SMC1B: variants seen among roughly 807,000 people sequenced by gnomAD.
The protein encoded by SMC1B is structural maintenance of chromosomes 1B.
In SMC1B, 60 loss-of-function variants were observed where a neutral mutation model predicts 157.9. The ratio of observed to expected loss-of-function variants is 0.38; its 90% CI spans 0.31 to 0.47. The LOEUF is 0.47. Among genes scored for constraint, SMC1B ranks in the 20% least tolerant of loss-of-function variants. The pLI is 0.99. For synonymous variants in SMC1B, 445 were observed against 483.0 expected, an observed-to-expected ratio of 0.92 and a Z score of 1.03; for missense variants, 1,165 against 1,426.2, an observed-to-expected ratio of 0.82 and a Z score of 2.95.
At chr22:45,413,237 C>T (rs1227476935) in intron 1 of SMC1B, among the ~76,000 whole-genome samples, 1 of 150,170 alleles carries the variant, frequency 6.7e-6, no homozygotes, top group Non-Finnish European at 1.5e-5. Context: ...GGACAAGGGT[C>T]GGGACCCCTG....
At chr22:45,387,478 G>T (rs936807682) in intron 10 of SMC1B, among the ~76,000 whole-genome samples, 1 of 151,834 alleles carries the variant, frequency 6.6e-6, no homozygotes, top group Admixed American at 6.6e-5. Context: ...AAAAAAGTAT[G>T]TTATTACATA....
chr22:45,370,036 A>C lies in SMC1B; in HGVS notation c.2338T>G (p.Phe780Val), dbSNP rs752192436. ...TTTTCCACGCCAATTTCTTCACAGA[A>C]GTGTTGGAAGATATCGTCTTCTACC... ...DKVEDDIFQH[F>V]CEEIGVENIR... is the part of the protein sequence containing the mutation. The change falls in exon 15 of 25, where the codon TTC becomes GTC. Residue 780 changes from phenylalanine to valine, a missense_variant. Physicochemically the swap from Phe to Val is conservative, Grantham distance 50 (BLOSUM62 -1). Coordinates refer to ENST00000357450, the MANE Select transcript of SMC1B (RefSeq NM_148674.5). 1 of 1,588,218 alleles carries C rather than the reference A, an allele frequency of 6.3e-7. No homozygotes were observed. The highest frequency in any genetic ancestry group is 1.2e-5 in the South Asian group (1 of 85,656).
chr22:45,409,028 A>C (rs1431350227), intron 1 of SMC1B, 130 bp from the exon 2 acceptor site: 3 of 562,044 alleles, frequency 5.3e-6, no homozygotes, highest in Admixed American at 3.5e-5. Context: ...TCAATGTTCA[A>C]AATGCATGAC....
intron 8 of SMC1B, among the ~76,000 whole-genome samples, chr22:45,394,457 T>A (rs370970120): frequency 6.6e-6 from 1 of 152,068 alleles, no homozygotes; most frequent in Non-Finnish European, 1.5e-5. Context: ...CTGGGCAACA[T>A]GGTGAAACCC....
In SMC1B at chr22:45,399,279, T is replaced by C. The variant is rs1364254308; in HGVS notation, c.929A>G (p.Lys310Arg). The change falls in exon 6 of 25, where the codon AAG (lysine) becomes AGG (arginine). Residue 310 changes from lysine (K) to arginine (R), a missense_variant. Coordinates refer to ENST00000357450, the MANE Select transcript of SMC1B (RefSeq NM_148674.5). ...TGATTTCTTAGCCACATCTAATTTC[T>C]TAAGGTGGTGAGAAGTGTTTTCTTT... ...KAKENTSHHL[K>R]KLDVAKKSIK... is the part of the protein sequence containing the mutation. The C allele has an allele frequency of 3.1e-6, 5 of 1,614,122 alleles. No individual in the cohort carries two copies. Among genetic ancestry groups the C allele is most frequent in the Non-Finnish European group, 4.2e-6 (5 of 1,179,950 alleles).
chr22:45,395,045 T>C (rs1032806942), intron 7 of SMC1B, among the ~76,000 whole-genome samples: 4 of 152,182 alleles, frequency 2.6e-5, no homozygotes, highest in South Asian at 2.1e-4. Context: ...CCTTAACTAA[T>C]GTACTGAACA....
intron 2 of SMC1B, among the ~76,000 whole-genome samples, chr22:45,407,788 C>A (rs2087280398): frequency 6.6e-6 from 1 of 152,102 alleles, no homozygotes; most frequent in Non-Finnish European, 1.5e-5. Flanking sequence ...CTGAGCTAGC[C>A]TAATGCAGAA....
At chr22:45,367,725 T>C (rs952937950) in intron 15 of SMC1B, among the ~76,000 whole-genome samples, 5 of 152,224 alleles carry the variant, frequency 3.3e-5, no homozygotes, top group African/African-American at 9.6e-5. Flanking sequence ...TCTCACTCTT[T>C]CCAGGGTAGT....
intron 4 of SMC1B, among the ~76,000 whole-genome samples, chr22:45,403,409 A>G (rs1271095001): frequency 6.6e-6 from 1 of 152,196 alleles, no homozygotes; most frequent in Non-Finnish European, 1.5e-5. Context: ...TGGTCTATGC[A>G]TTGAGAATAT....
Position 45,399,094 on chromosome 22 carries a change from C to T in SMC1B, c.1113+1G>A. The stretch of plus-strand genomic sequence containing the variant: ...ATTTCCCCTAAGTTGTCCTTTTTTA[C>T]CTGACTGGCTTCCAGTTCAATGTCT... On this transcript the variant is annotated splice_donor_variant, in intron 6 of 24. Coordinates refer to ENST00000357450, the MANE Select transcript of SMC1B (RefSeq NM_148674.5). LOFTEE classifies it high-confidence loss of function. The T allele has an allele frequency of 6.2e-7, 1 of 1,608,766 alleles. No individual in the cohort carries two copies.
Position 45,354,069 on chromosome 22 carries a change from CT to C in SMC1B, c.3181del (p.Arg1061GlyfsTer91). ...ACACTGGGTGAAAAGATCGTATCTC[CT>C]TTTTTTCACTTGCTCGAACTCTTGC... ...CRQEFEQVKK[R>X]RYDLFTQCFE... On this transcript the variant is annotated frameshift_variant, in exon 21 of 25. Coordinates refer to ENST00000357450, the MANE Select transcript of SMC1B (RefSeq NM_148674.5). LOFTEE classifies it high-confidence loss of function. 3.7e-6 allele frequency: 6 copies of C among 1,601,886 alleles called. No homozygotes were observed. The highest frequency in any genetic ancestry group is 2.3e-5 in the East Asian group (1 of 44,358).
At chr22:45,403,708 C>T (rs2087224066) in intron 4 of SMC1B, among the ~76,000 whole-genome samples, 1 of 152,170 alleles carries the variant, frequency 6.6e-6, no homozygotes, top group Non-Finnish European at 1.5e-5. Flanking sequence ...ATGCTCCCAC[C>T]TTGGCCTCCC....
chr22:45,346,953 C>G (rs969955472), intron 23 of SMC1B, among the ~76,000 whole-genome samples: 2 of 152,194 alleles, frequency 1.3e-5, no homozygotes, highest in African/African-American at 4.8e-5. Context: ...TAGTAGGAGT[C>G]TGAAGTAAGA....
At chr22:45,370,399 G>A (rs2146793310) in intron 14 of SMC1B, among the ~76,000 whole-genome samples, 1 of 152,266 alleles carries the variant, frequency 6.6e-6, no homozygotes, top group African/African-American at 2.4e-5. Context: ...GATTCTTTAT[G>A]TATGAGTAAT....
At chr22:45,347,841 G>T (rs1371668934) in intron 23 of SMC1B, among the ~76,000 whole-genome samples, 1 of 152,166 alleles carries the variant, frequency 6.6e-6, no homozygotes, top group Non-Finnish European at 1.5e-5. Flanking sequence ...TTAATGCAAA[G>T]CCTGGTCATT....
intron 14 of SMC1B, among the ~76,000 whole-genome samples, chr22:45,370,706 T>A (rs536474240): frequency 6.6e-6 from 1 of 152,312 alleles, no homozygotes; most frequent in Non-Finnish European, 1.5e-5. Context: ...AAAGTTACAG[T>A]TATAAACATA....
chr22:45,348,049 G>A (rs2086569907), intron 23 of SMC1B, among the ~76,000 whole-genome samples: 1 of 152,176 alleles, frequency 6.6e-6, no homozygotes, highest in South Asian at 2.1e-4. Context: ...CCACTCTCAT[G>A]TCCAAAATTC....
intron 10 of SMC1B, 105 bp downstream of exon 10, chr22:45,389,607 A>G: frequency 1.0e-6 from 1 of 977,058 alleles, no homozygotes; most frequent in Non-Finnish European, 1.5e-6. Context: ...CTGGCATCCA[A>G]GCTACAATTT....
chr22:45,394,214 A>C (rs2087095890), intron 8 of SMC1B, among the ~76,000 whole-genome samples: 1 of 152,062 alleles, frequency 6.6e-6, no homozygotes. Context: ...AGTACCAGCT[A>C]TTCAGGGGGC....
Sources: allele counts gnomAD v4.1 joint callset (sites outside exome capture counted in the v4.1 genomes callset), GRCh38; gene constraint gnomAD v4.1.1; transcripts MANE v1.5; gene names NCBI Gene and HGNC (gene_info 2026-07-23, HGNC 2026-07-21).